SEPTIN9: variants seen among roughly 807,000 people sequenced by gnomAD.
SEPTIN9 encodes septin 9.
Under a neutral mutation model 56.6 loss-of-function variants are expected in SEPTIN9, and 13 were observed. That is an observed-to-expected ratio of 0.23 (90% CI 0.15 to 0.37). The LOEUF is 0.37. SEPTIN9 is among the 10% of genes least tolerant of loss of function. The pLI is 1.00. For synonymous variants in SEPTIN9, 332 were observed against 334.1 expected, an observed-to-expected ratio of 0.99 and a Z score of 0.07; for missense variants, 650 against 823.1, an observed-to-expected ratio of 0.79 and a Z score of 2.57.
chr17:77,484,544 ATGG>A lies in SEPTIN9; in HGVS notation c.913+2215_913+2217del, dbSNP rs566985758. Among the ~76,000 whole-genome samples the A allele has an allele frequency of 1.8e-3, 206 of 111,948 alleles. 7 individuals carry two copies. Among genetic ancestry groups the A allele is most frequent in the African/African-American group, 6.8e-3 (191 of 27,968 alleles). The allele number at this position is 111,948 out of a possible 152,430, so 73.4% of individuals were successfully genotyped here. A position where few individuals can be genotyped will look rare whatever the true frequency, so the allele number is the denominator to read the frequency against. On this transcript the variant is annotated intron_variant, in intron 4 of 11. Coordinates refer to ENST00000427177, the MANE Select transcript of SEPTIN9 (RefSeq NM_001113491.2). The stretch of plus-strand genomic sequence containing the variant: ...GGTAATTGTGATGGTGGTGGTGGTG[ATGG>A]TGGTGATGATGGTGATTGTGGTGAT...
intron 3 of SEPTIN9, chr17:77,470,742 A>G (rs2038961524): frequency 6.6e-6 from 1 of 152,242 alleles, no homozygotes; most frequent in African/African-American, 2.4e-5. Flanking sequence ...ATCCATCCCC[A>G]TCCTTACTTC....
rs988222227 is a variant in SEPTIN9 at position 77,295,511 on chromosome 17, C to T, written c.20-11630C>T. Among the ~76,000 whole-genome samples the T allele has an allele frequency of 5.9e-5, 9 of 152,250 alleles. No individual in the cohort carries two copies. The East Asian group carries it at 1.3e-3, about 23-fold the overall frequency. On this transcript the variant is annotated intron_variant, in intron 1 of 11. Coordinates refer to ENST00000427177, the MANE Select transcript of SEPTIN9 (RefSeq NM_001113491.2). ...CCCGCGCCCTCCCTTGCTTCCACCT[C>T]CCAGGTTCCTCCCAAGCCTCTCGTT...
intron 2 of SEPTIN9, among the ~76,000 whole-genome samples, chr17:77,388,205 G>A (rs947960338): frequency 2.2e-4 from 33 of 152,138 alleles, no homozygotes; most frequent in African/African-American, 6.5e-4. Context: ...TTCCCAATGC[G>A]TTGTCTCAGA....
intron 2 of SEPTIN9, among the ~76,000 whole-genome samples, chr17:77,382,861 G>T (rs1309929190): frequency 6.6e-6 from 1 of 152,090 alleles, no homozygotes; most frequent in Non-Finnish European, 1.5e-5. Context: ...CAAAGGCGGG[G>T]TCCCTCCCTA....
At chr17:77,467,330 G>A (rs909713587) in intron 3 of SEPTIN9, among the ~76,000 whole-genome samples, 1 of 152,246 alleles carries the variant, frequency 6.6e-6, no homozygotes, top group Non-Finnish European at 1.5e-5. Flanking sequence ...AGGCTCAGGT[G>A]TACTGGCTGG....
intron 3 of SEPTIN9, among the ~76,000 whole-genome samples, chr17:77,479,335 T>C (rs2039352788): frequency 6.6e-6 from 1 of 152,008 alleles, no homozygotes; most frequent in Non-Finnish European, 1.5e-5. Context: ...GGTATGGGGG[T>C]CTCTGCTTTT....
At chr17:77,370,175 A>G (rs1426600127) in intron 2 of SEPTIN9, among the ~76,000 whole-genome samples, 3 of 152,250 alleles carry the variant, frequency 2.0e-5, no homozygotes, top group African/African-American at 7.2e-5. Flanking sequence ...GGTGGCTTAT[A>G]GCAAGGGGAA....
chr17:77,325,820 C>T (rs1004488849), intron 2 of SEPTIN9, among the ~76,000 whole-genome samples: 1 of 152,160 alleles, frequency 6.6e-6, no homozygotes, highest in Non-Finnish European at 1.5e-5. Flanking sequence ...GGACACAAGT[C>T]TCCATCCTGA....
intron 3 of SEPTIN9, among the ~76,000 whole-genome samples, chr17:77,457,790 C>T (rs185586957): frequency 6.6e-6 from 1 of 152,388 alleles, no homozygotes; most frequent in East Asian, 1.9e-4. Flanking sequence ...CCCTGGTGCC[C>T]TCCCTCAGTG....
chr17:77,479,872 G>T (rs7218560), intron 3 of SEPTIN9, among the ~76,000 whole-genome samples: 9,442 of 152,272 alleles, frequency 0.062, 976 homozygotes, highest in African/African-American at 0.21. Flanking sequence ...TCACGTGGGT[G>T]GGGACTGAAC....
Position 77,389,793 on chromosome 17 carries a change from G to A in SEPTIN9, c.77-12266G>A, listed in dbSNP as rs567775282. Reference sequence around the variant, plus strand: ...TCACATCTCTTCCCCTGCGGCTTCCGCCCATTTCCCCTCAATCTGCTCCTA... The same window carrying A: ...TCACATCTCTTCCCCTGCGGCTTCCACCCATTTCCCCTCAATCTGCTCCTA... On this transcript the variant is annotated intron_variant, in intron 2 of 11. Coordinates refer to ENST00000427177, the MANE Select transcript of SEPTIN9 (RefSeq NM_001113491.2). The surrounding 1 kb of genome is among the most constrained non-coding windows in gnomAD (Gnocchi z 4.3). Among the ~76,000 whole-genome samples the A allele has an allele frequency of 2.6e-5, 4 of 151,670 alleles. No homozygotes were observed. Among genetic ancestry groups the A allele is most frequent in the East Asian group, 2.0e-4 (1 of 5,094 alleles).
Position 77,487,878 on chromosome 17 carries a change from T to G in SEPTIN9, c.1042+326T>G, listed in dbSNP as rs928065517. Reference sequence around the variant, plus strand: ...CTGGAGCACTGGTGCGGTGTGAGGGTGCCCGAGTCAGGCAATCCCAGGTCC... The same window carrying G: ...CTGGAGCACTGGTGCGGTGTGAGGGGGCCCGAGTCAGGCAATCCCAGGTCC... On this transcript the variant is annotated intron_variant, in intron 5 of 11. Transcript: ENST00000427177. This position sits in a 1 kb window ranked among gnomAD's most constrained non-coding sequence, Gnocchi z 4.3. Among the ~76,000 whole-genome samples the G allele has an allele frequency of 6.6e-6, 1 of 152,020 alleles. No individual in the cohort carries two copies. The highest frequency in any genetic ancestry group is 2.4e-5 in the African/African-American group (1 of 41,384).
chr17:77,485,154 G>A (rs2039702149), intron 4 of SEPTIN9, among the ~76,000 whole-genome samples: 1 of 51,872 alleles, frequency 1.9e-5, no homozygotes, highest in African/African-American at 8.7e-5. Context: ...TTGTGATGGG[G>A]GTGATGATGG....
Position 77,484,741 on chromosome 17 carries a change from GGTGGTGGTT to G in SEPTIN9, c.913+2410_913+2418del, listed in dbSNP as rs2039633201. Among the ~76,000 whole-genome samples the G allele has an allele frequency of 6.1e-4, 42 of 68,816 alleles. 3 individuals carry two copies. Among genetic ancestry groups the G allele is most frequent in the African/African-American group, 2.0e-3 (22 of 10,982 alleles). The allele number at this position is 68,816 out of a possible 152,430, so 45.1% of individuals were successfully genotyped here. The stretch of plus-strand genomic sequence containing the variant: ...TGGTGGTGGTGATTGTGATGGTGGT[GGTGGTGGTT>G]GTGATGGTGGTGATGTGGGTGGTGG... On this transcript the variant is annotated intron_variant, in intron 4 of 11. Transcript: ENST00000427177.
Position 77,402,743 on chromosome 17 carries a change from G to A in SEPTIN9, c.721+40G>A. ...GCTAGGTCTTGGATGCTGTGGTAAT[G>A]GGGGGCCTGGTTGCTGGCTTTGCCA... On this transcript the variant is annotated intron_variant, in intron 3 of 11. Transcript: ENST00000427177. The surrounding 1 kb of genome is among the most constrained non-coding windows in gnomAD (Gnocchi z 6.6). The A allele has an allele frequency of 1.3e-6, 2 of 1,515,094 alleles. No individual in the cohort carries two copies. Among genetic ancestry groups the A allele is most frequent in the Non-Finnish European group, 1.8e-6 (2 of 1,133,336 alleles). 93.9% of individuals were successfully genotyped at this position (1,515,094 alleles called of 1,614,324 possible). A position where few individuals can be genotyped will look rare whatever the true frequency, so the allele number is the denominator to read the frequency against.
intron 3 of SEPTIN9, among the ~76,000 whole-genome samples, chr17:77,403,035 A>G (rs2898646): frequency 0.41 from 63,017 of 151,932 alleles, 13,629 homozygotes; most frequent in African/African-American, 0.52. Context: ...TGGGAGGCTT[A>G]GAGAATGAGG....
chr17:77,382,074 C>A (rs1191619954), intron 2 of SEPTIN9, among the ~76,000 whole-genome samples: 1 of 152,038 alleles, frequency 6.6e-6, no homozygotes, highest in Non-Finnish European at 1.5e-5. Flanking sequence ...GTTGCCCAGG[C>A]TGCAGTGCAG....
Position 77,499,035 on chromosome 17 carries a change from T to G in SEPTIN9, c.*377T>G, listed in dbSNP as rs9904206. The G allele has an allele frequency of 0.026, 14,052 of 537,606 alleles. 406 individuals are homozygous for G. The highest frequency in any genetic ancestry group is 0.1 in the East Asian group (2,599 of 25,724). The allele number at this position is 537,606 out of a possible 1,614,324, so 33.3% of individuals were successfully genotyped here. On this transcript the variant is annotated 3_prime_UTR_variant, in exon 12 of 12. Transcript: ENST00000427177. The stretch of plus-strand genomic sequence containing the variant: ...TTGGGGTGGGGGCCAGGCCTCGCAC[T>G]TGCAGAGGAGCCCAGTGGGCTGCAC...
At chr17:77,370,560 G>A (rs1021402029) in intron 2 of SEPTIN9, among the ~76,000 whole-genome samples, 2 of 152,212 alleles carry the variant, frequency 1.3e-5, no homozygotes, top group African/African-American at 2.4e-5. Flanking sequence ...GTCTCGTTGT[G>A]CACTGAAGAC....
Sources: gnomAD v4.1 joint callset for allele counts (sites outside exome capture counted in the v4.1 genomes callset) on GRCh38, gnomAD v4.1.1 for gene constraint, Gnocchi (gnomAD v3.1) non-coding constraint, MANE v1.5 for transcripts, NCBI Gene and HGNC (gene_info 2026-07-23, HGNC 2026-07-21) for gene names.